Variants in PTPRQ observed in about 807,000 individuals in gnomAD.
PTPRQ encodes phosphatidylinositol phosphatase PTPRQ.
Under a neutral mutation model 246.0 loss-of-function variants are expected in PTPRQ, and 199 were observed. The ratio of observed to expected loss-of-function variants is 0.81; its 90% confidence interval spans 0.72 to 0.91. The LOEUF (loss-of-function observed/expected upper bound fraction) is 0.91. Ranked by LOEUF, PTPRQ falls within the 40% of genes least tolerant of loss-of-function variation. The pLI is 0.00. For missense variants in PTPRQ, 2,624 were observed against 2,528.4 expected (o/e 1.04, Z -0.81); for synonymous variants, 869 against 853.2 (o/e 1.02, Z -0.32).
At chr12:80,607,490 A>C (rs116297821) in intron 27 of PTPRQ, among the ~76,000 whole-genome samples, 2,156 of 102,216 alleles carry the variant, frequency 0.021, 47 homozygotes, top group African/African-American at 0.076. Context: ...TCCTTCCCTT[A>C]CTTCCTTCCT....
At position 80,670,461 on chromosome 12, in the gene PTPRQ, C is replaced by T; in HGVS notation, c.6571C>T (p.His2191Tyr). Residue 2191 changes from histidine to tyrosine, a missense_variant, in exon 42 of 45, where the codon CAT becomes TAT. Physicochemically the swap from His to Tyr is moderately conservative, Grantham distance 83. Coordinates refer to ENST00000644991, the MANE Select transcript of PTPRQ (RefSeq NM_001145026.2). ...GAAGTTGGTTCGAGCAAGCAGGGCA[C>T]ATGACACCACACCTATGATTGTTCA... Reference protein sequence around the residue: ...FVKLVRASRAHDTTPMIVHCS... With the variant: ...FVKLVRASRAYDTTPMIVHCS... 3 of 1,551,106 alleles carry T rather than the reference C, an allele frequency of 1.9e-6. No individual in the cohort carries two copies. The highest frequency in any genetic ancestry group is 2.6e-6 in the Non-Finnish European group (3 of 1,146,516).
At chr12:80,608,244 A>T (rs1382136469) in intron 27 of PTPRQ, among the ~76,000 whole-genome samples, 2 of 150,736 alleles carry the variant, frequency 1.3e-5, no homozygotes, top group Non-Finnish European at 3.0e-5. Context: ...AAGACATTTT[A>T]TAACAATAGA....
intron 30 of PTPRQ, among the ~76,000 whole-genome samples, chr12:80,616,708 T>C (rs1265832817): frequency 6.6e-6 from 1 of 151,170 alleles, no homozygotes; most frequent in Non-Finnish European, 1.5e-5. Context: ...TGAACTACCA[T>C]GTAGGTTGGT....
In PTPRQ at chr12:80,642,932, A is replaced by AAACAAAC. The variant is rs1555210233; in HGVS notation, c.5916-5963_5916-5962insCAAACAA. Among the ~76,000 whole-genome samples, 99 of 131,602 alleles carry AAACAAAC rather than the reference A, an allele frequency of 7.5e-4. 2 individuals carry two copies. The East Asian group carries it at 0.017, about 22-fold the overall frequency. The allele number at this position is 131,602 out of a possible 152,430, so 86.3% of individuals were successfully genotyped here. A position where few individuals can be genotyped will look rare whatever the true frequency, so the allele number is the denominator to read the frequency against. On this transcript the variant is annotated intron_variant, in intron 35 of 44. Coordinates refer to ENST00000644991, the MANE Select transcript of PTPRQ (RefSeq NM_001145026.2). ...GAGACTCCGTCTTAAAAAAAAAAAA[A>AAACAAAC]AAAAAAAAAAAAAACAATTGAGTAT...
At chr12:80,486,052 TACTA>T (rs1894266052) in intron 9 of PTPRQ, among the ~76,000 whole-genome samples, 1 of 152,172 alleles carries the variant, frequency 6.6e-6, no homozygotes, top group Non-Finnish European at 1.5e-5. Flanking sequence ...GTTCTGCCAT[TACTA>T]ACTGTTTAAC....
intron 25 of PTPRQ, among the ~76,000 whole-genome samples, chr12:80,553,653 C>T (rs1011470146): frequency 1.6e-4 from 24 of 151,948 alleles, no homozygotes; most frequent in African/African-American, 3.6e-4. Flanking sequence ...TGTATCGTGA[C>T]GATTGAATTT....
chr12:80,548,612 G>A (rs1896378741), intron 24 of PTPRQ, among the ~76,000 whole-genome samples: 1 of 152,038 alleles, frequency 6.6e-6, no homozygotes, highest in African/African-American at 2.4e-5. Flanking sequence ...TTGCATAATG[G>A]CAGCAAGTTA....
chr12:80,445,685 A>T lies in PTPRQ; in HGVS notation c.358A>T (p.Asn120Tyr). The T allele has an allele frequency of 6.5e-7, 1 of 1,547,990 alleles. No homozygotes were observed. Among genetic ancestry groups the T allele is most frequent in the Non-Finnish European group, 8.7e-7 (1 of 1,143,968 alleles). Reference sequence around the variant, plus strand: ...AGACAGTCTGGAAGTTCTTCTTACTAATCTTAATCCTGGAACAACATATGA... The same window carrying T: ...AGACAGTCTGGAAGTTCTTCTTACTTATCTTAATCCTGGAACAACATATGA... ...KPDSLEVLLT[N>Y]LNPGTTYEIK... The change falls in exon 3 of 45, where the codon AAT becomes TAT. Residue 120 changes from asparagine (N) to tyrosine (Y), a missense_variant. Transcript: ENST00000644991.
intron 17 of PTPRQ, among the ~76,000 whole-genome samples, chr12:80,517,829 G>T (rs1895351332): frequency 6.6e-6 from 1 of 152,034 alleles, no homozygotes; most frequent in African/African-American, 2.4e-5. Flanking sequence ...TTTTATTGCT[G>T]CATAGTACTC....
intron 25 of PTPRQ, among the ~76,000 whole-genome samples, chr12:80,582,779 G>A (rs1293447904): frequency 6.6e-6 from 1 of 152,144 alleles, no homozygotes; most frequent in Non-Finnish European, 1.5e-5. Context: ...AGGAAGAAGA[G>A]AGTCGGATAT....
chr12:80,541,108 C>T (rs1896137406), intron 20 of PTPRQ, among the ~76,000 whole-genome samples: 1 of 152,018 alleles, frequency 6.6e-6, no homozygotes, highest in South Asian at 2.1e-4. Flanking sequence ...TCTGGCTACC[C>T]ACATGACCTT....
intron 16 of PTPRQ, among the ~76,000 whole-genome samples, chr12:80,507,975 G>A (rs1489210223): frequency 1.3e-5 from 2 of 151,860 alleles, no homozygotes; most frequent in African/African-American, 4.8e-5. Flanking sequence ...CTAATCAAAA[G>A]TTCCTAATGG....
At chr12:80,455,063 C>A (rs576717314) in intron 3 of PTPRQ, among the ~76,000 whole-genome samples, 1 of 152,222 alleles carries the variant, frequency 6.6e-6, no homozygotes, top group Non-Finnish European at 1.5e-5. Context: ...ATCCCAGCTA[C>A]TCTGGGGGTT....
In PTPRQ at chr12:80,561,405, AACAGAGAAGGTAGGGTGTAT is replaced by A. The variant is rs573554329; in HGVS notation, c.4285+11673_4285+11692del. The A allele has an allele frequency of 1.8e-3, 275 of 152,756 alleles. 2 individuals carry two copies. Among genetic ancestry groups the A allele is most frequent in the African/African-American group, 6.4e-3 (267 of 41,576 alleles). 9.5% of individuals were successfully genotyped at this position (152,756 alleles called of 1,614,324 possible). Reference sequence around the variant, plus strand: ...CTCACTGCCAGGTGGGATGGGCTTCAACAGAGAAGGTAGGGTGTATATCTGAAGCAGAGGTGGCAGGATTA... The same window carrying A: ...CTCACTGCCAGGTGGGATGGGCTTCAATCTGAAGCAGAGGTGGCAGGATTA... On this transcript the variant is annotated intron_variant, in intron 25 of 44. Coordinates refer to ENST00000644991, the MANE Select transcript of PTPRQ (RefSeq NM_001145026.2).
At chr12:80,537,388 A>G (rs1742389340) in intron 19 of PTPRQ, among the ~76,000 whole-genome samples, 1 of 152,144 alleles carries the variant, frequency 6.6e-6, no homozygotes, top group African/African-American at 2.4e-5. Flanking sequence ...ATGGCATATC[A>G]TGTTCTGCCT....
rs902888826 is a variant in PTPRQ at position 80,642,919 on chromosome 12, T to TAAAAAAAA, written c.5916-5958_5916-5951dup. On this transcript the variant is annotated intron_variant, in intron 35 of 44. Transcript: ENST00000644991. ...TGGGCGACAGAGCGAGACTCCGTCTTAAAAAAAAAAAAAAAAAAAAAAAAA... is the reference window on the plus strand; with the variant it reads ...TGGGCGACAGAGCGAGACTCCGTCTTAAAAAAAAAAAAAAAAAAAAAAAAAAAAAAAAA... Among the ~76,000 whole-genome samples, 12 of 77,244 alleles carry TAAAAAAAA rather than the reference T, an allele frequency of 1.6e-4. No individual in the cohort carries two copies. The East Asian group carries it at 4.6e-3, about 30-fold the overall frequency. The allele number at this position is 77,244 out of a possible 152,430, so 50.7% of individuals were successfully genotyped here.
At chr12:80,526,876 A>G (rs1354355617) in intron 17 of PTPRQ, among the ~76,000 whole-genome samples, 1 of 152,130 alleles carries the variant, frequency 6.6e-6, no homozygotes, top group Non-Finnish European at 1.5e-5. Flanking sequence ...CTATTGAAGA[A>G]AAAATGAAAG....
At chr12:80,648,072 C>T (rs1468028233) in intron 35 of PTPRQ, among the ~76,000 whole-genome samples, 1 of 151,916 alleles carries the variant, frequency 6.6e-6, no homozygotes, top group Non-Finnish European at 1.5e-5. Context: ...GTTTTTCAAA[C>T]CATTTTTTTT....
At chr12:80,657,931 A>T in intron 38 of PTPRQ, 54 bp from the exon 39 acceptor site, 1 of 1,252,356 alleles carries the variant, frequency 8.0e-7, no homozygotes, top group East Asian at 3.0e-5. Flanking sequence ...TAGTAAAAAA[A>T]GTAGTAACAA....
Sources: gnomAD v4.1 joint callset for allele counts (sites outside exome capture counted in the v4.1 genomes callset) on GRCh38, gnomAD v4.1.1 for gene constraint, MANE v1.5 for transcripts, NCBI Gene and HGNC (gene_info 2026-07-23, HGNC 2026-07-21) for gene names.